Variants in PAMR1 observed in about 807,000 individuals in gnomAD.
PAMR1 encodes the protein peptidase domain containing associated with muscle regeneration 1, also known as inactive serine protease PAMR1.
PAMR1 carries 88 observed loss-of-function variants against 81.8 expected under a neutral mutation model. The ratio of observed to expected loss-of-function variants is 1.08; its 90% CI spans 0.91 to 1.28. The LOEUF is 1.28. PAMR1 is among the 50% of genes most tolerant of loss of function. PAMR1 has a pLI of 0.00. For synonymous variants in PAMR1, 336 were observed against 345.3 expected (o/e 0.97, Z 0.30); for missense variants, 935 against 919.7 (o/e 1.02, Z -0.21).
At chr11:35,462,678 C>T (rs551675116) in intron 6 of PAMR1, among the ~76,000 whole-genome samples, 2 of 152,144 alleles carry the variant, frequency 1.3e-5, no homozygotes, top group African/African-American at 2.4e-5. Context: ...AACTCAGTGC[C>T]TTATGTGGAT....
chr11:35,459,122 C>T (rs991961993), intron 6 of PAMR1, among the ~76,000 whole-genome samples: 4 of 152,176 alleles, frequency 2.6e-5, no homozygotes, highest in Non-Finnish European at 5.9e-5. Flanking sequence ...TTTTTTCATC[C>T]GGCAGCAATT....
chr11:35,469,069 T>C (rs565364483), intron 5 of PAMR1, among the ~76,000 whole-genome samples: 1 of 152,242 alleles, frequency 6.6e-6, no homozygotes, highest in Non-Finnish European at 1.5e-5. Context: ...GAAGAGGCAA[T>C]GCTACAAGAC....
At chr11:35,484,048 C>T (rs949499708) in intron 3 of PAMR1, among the ~76,000 whole-genome samples, 4 of 152,162 alleles carry the variant, frequency 2.6e-5, no homozygotes, top group Admixed American at 2.0e-4. Context: ...AAATAGAGCT[C>T]ATTTCATGGC....
intron 6 of PAMR1, among the ~76,000 whole-genome samples, chr11:35,464,296 T>G: frequency 6.6e-6 from 1 of 152,226 alleles, no homozygotes; most frequent in African/African-American, 2.4e-5. Context: ...CAGCAATCAT[T>G]TTTTCAAATC....
intron 5 of PAMR1, among the ~76,000 whole-genome samples, chr11:35,469,212 A>G (rs112691297): frequency 0.015 from 2,299 of 152,300 alleles, 51 homozygotes; most frequent in African/African-American, 0.053. Flanking sequence ...AGCCAGAGGA[A>G]ATATCTTGAA....
chr11:35,481,887 T>C (rs1050894262), intron 3 of PAMR1, among the ~76,000 whole-genome samples: 1 of 152,164 alleles, frequency 6.6e-6, no homozygotes, highest in Non-Finnish European at 1.5e-5. Flanking sequence ...GGGTTGTTTG[T>C]TTTTTTCTTG....
Position 35,441,539 on chromosome 11 carries a change from C to G in PAMR1, c.975G>C (p.Glu325Asp). 1 of 1,613,838 alleles carries G rather than the reference C, an allele frequency of 6.2e-7. No individual in the cohort carries two copies. Among genetic ancestry groups the G allele is most frequent in the South Asian group, 1.1e-5 (1 of 91,076 alleles). Residue 325 changes from glutamate to aspartate, a missense_variant, in exon 7 of 11, where the codon GAG (glutamate) becomes GAC (aspartate). Transcript: ENST00000619888. ...CNNSYVLSGN[E>D]KRTCQQNGEW... The stretch of plus-strand genomic sequence containing the variant: ...CTCCATTCTGCTGGCAAGTTCTTTT[C>G]TCATTGCCACTAAGAACATAGGAGT...
At chr11:35,471,677 T>C (rs1224530122) in intron 4 of PAMR1, among the ~76,000 whole-genome samples, 1 of 151,832 alleles carries the variant, frequency 6.6e-6, no homozygotes, top group African/African-American at 2.4e-5. Flanking sequence ...CCAAAAGGGG[T>C]CTTGGGTTTG....
intron 8 of PAMR1, 152 bp downstream of exon 8, chr11:35,439,475 T>G: frequency 4.4e-6 from 3 of 674,996 alleles, no homozygotes; most frequent in South Asian, 3.8e-5. Context: ...AGCCTCCATC[T>G]AACAAGCCCT....
At chr11:35,529,645 C>T (rs1357640708), upstream of PAMR1, among the ~76,000 whole-genome samples, 3 of 152,120 alleles carry the variant, frequency 2.0e-5, no homozygotes, top group Admixed American at 6.6e-5. Flanking sequence ...AAAACAGTGC[C>T]TAAAATATAC....
intron 8 of PAMR1, among the ~76,000 whole-genome samples, chr11:35,438,021 G>A (rs762222638): frequency 9.9e-5 from 15 of 152,192 alleles, no homozygotes; most frequent in African/African-American, 1.7e-4. Flanking sequence ...GTCAATTTCA[G>A]TCACCGGAAT....
At chr11:35,476,748 T>C (rs1850292148) in intron 3 of PAMR1, among the ~76,000 whole-genome samples, 3 of 152,064 alleles carry the variant, frequency 2.0e-5, no homozygotes, top group Admixed American at 6.6e-5. Context: ...ATTCAAGCCC[T>C]CCAAAGGTTC....
upstream of PAMR1, chr11:35,525,633 G>A (rs770824513): frequency 2.6e-6 from 4 of 1,557,696 alleles, no homozygotes; most frequent in Admixed American, 5.1e-5. Flanking sequence ...GGAGAGGAGG[G>A]ACCCAGGGAG....
chr11:35,438,654 T>C (rs1785876249), intron 8 of PAMR1, among the ~76,000 whole-genome samples: 1 of 152,200 alleles, frequency 6.6e-6, no homozygotes, highest in Non-Finnish European at 1.5e-5. Context: ...ACAAAACAGA[T>C]AATGTTCCTG....
chr11:35,454,393 G>A (rs541717513), intron 6 of PAMR1, among the ~76,000 whole-genome samples: 39 of 152,162 alleles, frequency 2.6e-4, no homozygotes, highest in Admixed American at 1.2e-3. Context: ...AGCCCAAACA[G>A]TGTTCCTGGA....
chr11:35,514,546 A>G (rs956453337), intron 1 of PAMR1, among the ~76,000 whole-genome samples: 2 of 152,240 alleles, frequency 1.3e-5, no homozygotes, highest in Non-Finnish European at 2.9e-5. Flanking sequence ...AGGTGCCCCC[A>G]GTTGCCATTA....
At chr11:35,463,146 T>C (rs543381555) in intron 6 of PAMR1, among the ~76,000 whole-genome samples, 11 of 152,318 alleles carry the variant, frequency 7.2e-5, no homozygotes, top group Admixed American at 6.5e-4. Flanking sequence ...AAGTTCCTAA[T>C]TGTTTATTCT....
upstream of PAMR1, among the ~76,000 whole-genome samples, chr11:35,528,197 A>G (rs1395464026): frequency 1.3e-5 from 2 of 152,178 alleles, no homozygotes; most frequent in Admixed American, 6.5e-5. Context: ...AAGTAGATAC[A>G]AGAATAGGTC....
chr11:35,525,972 G>T (rs1851381525), upstream of PAMR1: 2 of 234,328 alleles, frequency 8.5e-6, no homozygotes, highest in Admixed American at 1.0e-4. Context: ...GCTGCGGGGC[G>T]CTCAGGTGAG....
Sources: allele counts gnomAD v4.1 joint callset (sites outside exome capture counted in the v4.1 genomes callset), GRCh38; gene constraint gnomAD v4.1.1; transcripts MANE v1.5; gene names NCBI Gene and HGNC (gene_info 2026-07-23, HGNC 2026-07-21).